The following PKIB variants were observed in gnomAD, a reference collection of about 807,000 sequenced individuals.
PKIB encodes PKI-beta.
In PKIB, 2 loss-of-function variants were observed where a neutral mutation model predicts 4.5. That is an observed-to-expected ratio of 0.44 (90% CI 0.18 to 1.39). The LOEUF is 1.39. Among genes scored for constraint, PKIB ranks in the 40% most tolerant of loss-of-function variants. The pLI is 0.27. For synonymous variants in PKIB, 38 were observed against 36.0 expected, an observed-to-expected ratio of 1.06 and a Z score of -0.20; for missense variants, 94 against 92.6, an observed-to-expected ratio of 1.02 and a Z score of -0.06.
chr6:122,660,707 G>C (rs547271604), intron 2 of PKIB, among the ~76,000 whole-genome samples: 1 of 152,192 alleles, frequency 6.6e-6, no homozygotes, highest in Admixed American at 6.5e-5. Flanking sequence ...TAGCCTAAAG[G>C]ATTAAGCTAA....
At chr6:122,481,460 G>A (rs892486125) in intron 2 of PKIB, 2 of 152,188 alleles carry the variant, frequency 1.3e-5, no homozygotes, top group Non-Finnish European at 2.9e-5. Flanking sequence ...CTGCTGTAAA[G>A]AACATTATTG....
chr6:122,640,179 G>A (rs1202352301), intron 2 of PKIB, among the ~76,000 whole-genome samples: 1 of 152,132 alleles, frequency 6.6e-6, no homozygotes, highest in African/African-American at 2.4e-5. Context: ...TCAATTCATG[G>A]GAACTAGAAT....
chr6:122,575,283 A>G (rs1115330), intron 2 of PKIB, among the ~76,000 whole-genome samples: 20,706 of 152,168 alleles, frequency 0.14, 1,486 homozygotes, highest in East Asian at 0.21. Context: ...TGAAAAGGAA[A>G]CACTTTTATA....
At chr6:122,489,184 AG>A (rs961490727) in intron 2 of PKIB, among the ~76,000 whole-genome samples, 4 of 151,716 alleles carry the variant, frequency 2.6e-5, no homozygotes, top group African/African-American at 9.7e-5. Flanking sequence ...TTTTTAAAGA[AG>A]GGGGAAAAAT....
rs529066252 is a variant in PKIB at position 122,542,521 on chromosome 6, A to G, written c.-247-43400A>G. Among the ~76,000 whole-genome samples, 8 of 152,124 alleles carry G rather than the reference A, an allele frequency of 5.3e-5. No individual in the cohort carries two copies. The South Asian group carries it at 8.3e-4, about 16-fold the overall frequency. On this transcript the variant is annotated intron_variant, in intron 2 of 6. Coordinates refer to the PKIB transcript ENST00000392491. ...CGGTGGCTATAGAACTGCGGTGACT[A>G]TAGAACAGTGGATCTTGGTGAACCA...
At chr6:122,678,688 C>T (rs926132392) in intron 3 of PKIB, among the ~76,000 whole-genome samples, 32 of 152,104 alleles carry the variant, frequency 2.1e-4, no homozygotes, top group Admixed American at 5.2e-4. Flanking sequence ...TTCACAACAT[C>T]ATGAGAAATG....
intron 2 of PKIB, among the ~76,000 whole-genome samples, chr6:122,542,849 G>T (rs1777650163): frequency 6.6e-6 from 1 of 152,126 alleles, no homozygotes; most frequent in Non-Finnish European, 1.5e-5. Context: ...GCCTCCTTGA[G>T]CTGTGGTGGG....
chr6:122,582,528 G>A (rs1481899664), intron 2 of PKIB, among the ~76,000 whole-genome samples: 1 of 152,034 alleles, frequency 6.6e-6, no homozygotes, highest in Non-Finnish European at 1.5e-5. Flanking sequence ...ACTAATGTTT[G>A]TATTATAAAC....
intron 4 of PKIB, among the ~76,000 whole-genome samples, chr6:122,721,084 C>T (rs764522362): frequency 2.0e-5 from 3 of 152,132 alleles, no homozygotes; most frequent in Admixed American, 6.5e-5. Context: ...TGACAAGCCA[C>T]ATGAGTAGAT....
chr6:122,568,858 G>A (rs1773271917), intron 2 of PKIB, among the ~76,000 whole-genome samples: 1 of 152,094 alleles, frequency 6.6e-6, no homozygotes, highest in Non-Finnish European at 1.5e-5. Flanking sequence ...CTATCTCTGT[G>A]GAAAGCTTAT....
In PKIB at chr6:122,724,656, AT is replaced by A. The variant is rs574175994; in HGVS notation, c.170-463del. On this transcript the variant is annotated intron_variant, in intron 4 of 4. Transcript: ENST00000368452. ...GAACTCCTGTCTGATAACTTTGATT[AT>A]TTTTTTTTCCTATGAAGTAGAAAGT... is the stretch of plus-strand genomic sequence containing the variant. Among the ~76,000 whole-genome samples the A allele has an allele frequency of 1.9e-3, 295 of 151,702 alleles. 2 individuals are homozygous for A. Among genetic ancestry groups the A allele is most frequent in the African/African-American group, 6.4e-3 (264 of 41,372 alleles).
At chr6:122,515,992 C>T (rs987039965) in intron 2 of PKIB, among the ~76,000 whole-genome samples, 4 of 152,132 alleles carry the variant, frequency 2.6e-5, no homozygotes, top group African/African-American at 4.8e-5. Flanking sequence ...GGATTACAGG[C>T]GTGAACCACC....
At chr6:122,596,171 C>T (rs1774170476) in intron 3 of PKIB, among the ~76,000 whole-genome samples, 1 of 152,202 alleles carries the variant, frequency 6.6e-6, no homozygotes, top group African/African-American at 2.4e-5. Flanking sequence ...GGAAGATTGC[C>T]CTTCACCACT....
At chr6:122,699,922 G>A (rs1270825459) in intron 3 of PKIB, among the ~76,000 whole-genome samples, 1 of 152,102 alleles carries the variant, frequency 6.6e-6, no homozygotes, top group East Asian at 1.9e-4. Flanking sequence ...CTCCCCTAAT[G>A]TTATGGGGGA....
At chr6:122,663,730 T>C (rs947684157) in intron 2 of PKIB, among the ~76,000 whole-genome samples, 1 of 152,218 alleles carries the variant, frequency 6.6e-6, no homozygotes, top group African/African-American at 2.4e-5. Flanking sequence ...GGGACTGCCC[T>C]ACTCCAGTGT....
intron 2 of PKIB, among the ~76,000 whole-genome samples, chr6:122,554,622 T>C (rs197685): frequency 0.82 from 124,302 of 152,138 alleles, 50,935 homozygotes; most frequent in South Asian, 0.92. Context: ...TCAAAGGTCA[T>C]ACAGCCAGTA....
intron 3 of PKIB, among the ~76,000 whole-genome samples, chr6:122,714,835 G>T (rs1410114332): frequency 6.6e-6 from 1 of 152,168 alleles, no homozygotes; most frequent in Non-Finnish European, 1.5e-5. Flanking sequence ...AGGCTGGAGT[G>T]CAGTGGCGCA....
intron 3 of PKIB, among the ~76,000 whole-genome samples, chr6:122,693,140 T>C (rs918266741): frequency 6.6e-6 from 1 of 152,158 alleles, no homozygotes; most frequent in Non-Finnish European, 1.5e-5. Flanking sequence ...GAACATTCTA[T>C]CCTCTGTACC....
intron 3 of PKIB, among the ~76,000 whole-genome samples, chr6:122,604,865 A>G (rs1774477933): frequency 8.5e-5 from 13 of 152,194 alleles, no homozygotes; most frequent in Admixed American, 8.5e-4. Context: ...ACATGACTAC[A>G]ATGGTAATGA....
Sources: allele counts gnomAD v4.1 joint callset (sites outside exome capture counted in the v4.1 genomes callset), GRCh38; gene constraint gnomAD v4.1.1; transcripts MANE v1.5; gene names NCBI Gene and HGNC (gene_info 2026-07-23, HGNC 2026-07-21).